The following DNAAF2 variants were observed in gnomAD, a reference collection of about 807,000 sequenced individuals.
The protein encoded by DNAAF2 is protein kintoun.
In DNAAF2, 58 loss-of-function variants were observed where a neutral mutation model predicts 48.8. That is an observed-to-expected ratio of 1.19 (90% CI 0.96 to 1.48). The LOEUF is 1.48. Ranked by LOEUF, DNAAF2 falls within the 40% of genes most tolerant of loss-of-function variation. DNAAF2 has a pLI of 0.00. For synonymous variants in DNAAF2, 567 were observed against 481.2 expected, an observed-to-expected ratio of 1.18 and a Z score of -2.33; for missense variants, 1,241 against 1,116.1, an observed-to-expected ratio of 1.11 and a Z score of -1.59.
Position 49,634,651 on chromosome 14 carries a change from T to G in DNAAF2, c.499A>C (p.Thr167Pro). Reference sequence around the variant, plus strand: ...TGCTTCTCGACGGCCTCCAGGGCCGTGGCGTCCAGCATCTGGCGGAAGCCC... The same window carrying G: ...TGCTTCTCGACGGCCTCCAGGGCCGGGGCGTCCAGCATCTGGCGGAAGCCC... ...HEGFRQMLDA[T>P]ALEAVEKQFG... is the part of the protein sequence containing the mutation. Residue 167 changes from threonine (T) to proline (P), a missense_variant, in exon 1 of 3, where the codon ACG becomes CCG. Thr to Pro is a conservative substitution (Grantham distance 38, BLOSUM62 -1). Transcript: ENST00000298292. 6.2e-7 allele frequency: 1 copy of G among 1,607,380 alleles called. No individual in the cohort carries two copies.
chr14:49,627,227 T>A (rs1220478995), intron 2 of DNAAF2, among the ~76,000 whole-genome samples: 1 of 152,246 alleles, frequency 6.6e-6, no homozygotes, highest in Non-Finnish European at 1.5e-5. Flanking sequence ...AAGCACATTG[T>A]TGAATTTCTT....
chr14:49,634,521 G>A lies in DNAAF2; in HGVS notation c.629C>T (p.Pro210Leu). The stretch of plus-strand genomic sequence containing the variant: ...CTTCGGCTCCCCGTCAGGCCTTGCG[G>A]GGATGACCCCGGGCAGGGGCGTGCG... ...VLRTPLPGVI[P>L]ARPDGEPKGP... Residue 210 changes from proline to leucine, a missense_variant, in exon 1 of 3, where the codon CCC (proline) becomes CTC (leucine). Coordinates refer to ENST00000298292, the MANE Select transcript of DNAAF2 (RefSeq NM_018139.3). 1 of 1,601,306 alleles carries A rather than the reference G, an allele frequency of 6.2e-7. No homozygotes were observed. The highest frequency in any genetic ancestry group is 8.5e-7 in the Non-Finnish European group (1 of 1,179,290).
At chr14:49,627,930 TATG>T (rs1883052550) in intron 2 of DNAAF2, 79 bp downstream of exon 2, 5 of 1,347,744 alleles carry the variant, frequency 3.7e-6, no homozygotes, top group Non-Finnish European at 5.0e-6. Context: ...TGTTTAAAGT[TATG>T]ATATTAAGAA....
chr14:49,635,160 G>A lies in DNAAF2; in HGVS notation c.-11C>T, dbSNP rs1024781671. 4.5e-6 allele frequency: 7 copies of A among 1,553,654 alleles called. No individual in the cohort carries two copies. The Admixed American group carries it at 9.7e-5, about 22-fold the overall frequency. ...CGCCGCTTTGGCCATACTGTCCTGT[G>A]GCTCCTCGCCCTCGGGCCAAAGGCG... On this transcript the variant is annotated 5_prime_UTR_variant, in exon 1 of 3. Coordinates refer to ENST00000298292, the MANE Select transcript of DNAAF2 (RefSeq NM_018139.3).
At position 49,630,326 on chromosome 14, in the gene DNAAF2, A is replaced by G. The variant is rs149281915; in HGVS notation, c.1864-2171T>C. On this transcript the variant is annotated intron_variant, in intron 1 of 2. Coordinates refer to ENST00000298292, the MANE Select transcript of DNAAF2 (RefSeq NM_018139.3). The stretch of plus-strand genomic sequence containing the variant: ...ACTATTACTAGAAAATGCAAAAATC[A>G]CCTTTTACCTGAATCCCAAACACAA... Among the ~76,000 whole-genome samples, 1,142 of 152,254 alleles carry G rather than the reference A, an allele frequency of 7.5e-3. 17 individuals are homozygous for G. The highest frequency in any genetic ancestry group is 0.026 in the African/African-American group (1,084 of 41,540).
chr14:49,632,749 C>T (rs1188484866), intron 1 of DNAAF2, among the ~76,000 whole-genome samples: 4 of 151,664 alleles, frequency 2.6e-5, no homozygotes, highest in Admixed American at 6.6e-5. Context: ...ACCCAGCCAA[C>T]TAATACTTAA....
At chr14:49,627,135 T>A (rs1372918350) in intron 2 of DNAAF2, among the ~76,000 whole-genome samples, 2 of 152,150 alleles carry the variant, frequency 1.3e-5, no homozygotes, top group African/African-American at 4.8e-5. Flanking sequence ...AATGTAAACC[T>A]GGCACTAATA....
Position 49,633,291 on chromosome 14 carries a change from A to C in DNAAF2, c.1859T>G (p.Leu620Trp). 1.2e-6 allele frequency: 2 copies of C among 1,612,784 alleles called. No homozygotes were observed. Among genetic ancestry groups the C allele is most frequent in the East Asian group, 4.5e-5 (2 of 44,866 alleles). ...EWYYGVNNDS[L>W]EERLFVNEEN... ...GACTCTGGAAAGAACTGTTACCTCC[A>C]AAGAATCGTTGTTTACACCATAATA... The change falls in exon 1 of 3, where the codon TTG (leucine) becomes TGG (tryptophan). Residue 620 changes from leucine (L) to tryptophan (W), a missense_variant. Coordinates refer to ENST00000298292, the MANE Select transcript of DNAAF2 (RefSeq NM_018139.3).
chr14:49,633,280 C>G lies in DNAAF2; in HGVS notation c.1863+7G>C. The G allele has an allele frequency of 6.2e-7, 1 of 1,612,180 alleles. No homozygotes were observed. The highest frequency in any genetic ancestry group is 8.5e-7 in the Non-Finnish European group (1 of 1,178,524). On this transcript the variant is annotated splice_region_variant and intron_variant, in intron 1 of 2. Coordinates refer to ENST00000298292, the MANE Select transcript of DNAAF2 (RefSeq NM_018139.3). Reference sequence around the variant, plus strand: ...TCAAATATGAGGACTCTGGAAAGAACTGTTACCTCCAAAGAATCGTTGTTT... The same window carrying G: ...TCAAATATGAGGACTCTGGAAAGAAGTGTTACCTCCAAAGAATCGTTGTTT...
At position 49,633,598 on chromosome 14, in the gene DNAAF2, C is replaced by A. The variant is rs145008882; in HGVS notation, c.1552G>T (p.Gly518Trp). 2 of 1,613,758 alleles carry A rather than the reference C, an allele frequency of 1.2e-6. No individual in the cohort carries two copies. Among genetic ancestry groups the A allele is most frequent in the African/African-American group, 1.3e-5 (1 of 74,934 alleles). Residue 518 changes from glycine (G) to tryptophan (W), a missense_variant, in exon 1 of 3, where the codon GGG (glycine) becomes TGG (tryptophan). Gly to Trp is a radical substitution (Grantham distance 184). Coordinates refer to ENST00000298292, the MANE Select transcript of DNAAF2 (RefSeq NM_018139.3). ...CAMGGPGTKSGEPLCPPLLCN... is the reference protein window; with the variant it reads ...CAMGGPGTKSWEPLCPPLLCN... The stretch of plus-strand genomic sequence containing the variant: ...AGTAACGGAGGACACAAAGGCTCCC[C>A]GCTCTTGGTCCCGGGACCACCCATG...
intron 1 of DNAAF2, 132 bp from the exon 2 acceptor site, chr14:49,628,287 C>G: frequency 1.3e-6 from 1 of 774,554 alleles, no homozygotes; most frequent in East Asian, 2.7e-5. Flanking sequence ...TAATGTTATT[C>G]CTATGAGCTG....
In DNAAF2 at chr14:49,635,152, T is replaced by A; in HGVS notation, c.-3A>T. 6.4e-7 allele frequency: 1 copy of A among 1,556,280 alleles called. No homozygotes were observed. The highest frequency in any genetic ancestry group is 8.7e-7 in the Non-Finnish European group (1 of 1,150,452). ...GAGGAGGCCGCCGCTTTGGCCATACTGTCCTGTGGCTCCTCGCCCTCGGGC... is the reference window on the plus strand; with the variant it reads ...GAGGAGGCCGCCGCTTTGGCCATACAGTCCTGTGGCTCCTCGCCCTCGGGC... On this transcript the variant is annotated 5_prime_UTR_variant, in exon 1 of 3. Coordinates refer to ENST00000298292, the MANE Select transcript of DNAAF2 (RefSeq NM_018139.3).
rs1384426642 is a variant in DNAAF2, at chr14:49,625,670, G to T, written c.2386C>A (p.His796Asn). ...ATGCTGTCGAATCCAGGTATATTGT[G>T]AACCGTAGTTTTGTTCAGTAATGAA... Reference protein sequence around the residue: ...LSSLLNKTTVHNIPGFDSIKE... With the variant: ...LSSLLNKTTVNNIPGFDSIKE... Residue 796 changes from histidine (H) to asparagine (N), a missense_variant, in exon 3 of 3, where the codon CAC (histidine) becomes AAC (asparagine). Physicochemically the swap from His to Asn is moderately conservative, Grantham distance 68 (BLOSUM62 1). Transcript: ENST00000298292. 1.9e-6 allele frequency: 3 copies of T among 1,613,660 alleles called. No individual in the cohort carries two copies. Among genetic ancestry groups the T allele is most frequent in the South Asian group, 1.1e-5 (1 of 91,066 alleles).
intron 1 of DNAAF2, among the ~76,000 whole-genome samples, chr14:49,628,627 G>T (rs563551560): frequency 1.2e-4 from 18 of 152,058 alleles, no homozygotes; most frequent in Non-Finnish European, 2.5e-4. Context: ...ACTAATTTTT[G>T]TATTTTTGGT....
chr14:49,633,510 C>T lies in DNAAF2; in HGVS notation c.1640G>A (p.Ser547Asn). 6.2e-7 allele frequency: 1 copy of T among 1,614,050 alleles called. No individual in the cohort carries two copies. The highest frequency in any genetic ancestry group is 8.5e-7 in the Non-Finnish European group (1 of 1,179,896). Residue 547 changes from serine (S) to asparagine (N), a missense_variant, in exon 1 of 3, where the codon AGT becomes AAT. Coordinates refer to ENST00000298292, the MANE Select transcript of DNAAF2 (RefSeq NM_018139.3). ...GAGGGGATTCAAATCTCCTTGAAGA[C>T]TTTGCGGCTGGATCCGAGGCACCTG... ...LIQVPRIQPQ[S>N]LQGDLNPLWY...
At position 49,634,460 on chromosome 14, in the gene DNAAF2, G is replaced by A; in HGVS notation, c.690C>T (p.Tyr230=). ...PLPDFPYPYQ[Y]PAAPGPRAPS... The stretch of plus-strand genomic sequence containing the variant: ...GCGCCCGGGGCCCGGGGGCTGCCGG[G>A]TACTGGTAAGGGTAGGGGAAGTCCG... The change falls in exon 1 of 3, where the codon TAC becomes TAT. Residue 230 remains tyrosine, a synonymous_variant. Transcript: ENST00000298292. 1 of 1,565,310 alleles carries A rather than the reference G, an allele frequency of 6.4e-7. No homozygotes were observed. Among genetic ancestry groups the A allele is most frequent in the Non-Finnish European group, 8.6e-7 (1 of 1,159,778 alleles).
intron 2 of DNAAF2, among the ~76,000 whole-genome samples, chr14:49,626,799 CTTTTTTTT>C (rs34085502): frequency 1.1e-4 from 7 of 63,410 alleles, no homozygotes; most frequent in African/African-American, 4.9e-4. Flanking sequence ...TGCTGCCAGT[CTTTTTTTT>C]TTTTTTTTTT....
chr14:49,634,304 C>T lies in DNAAF2; in HGVS notation c.846G>A (p.Glu282=). Residue 282 remains glutamate (E), a synonymous_variant, in exon 1 of 3, where the codon GAG becomes GAA. Transcript: ENST00000298292. ...RDSAPSPVPH[E]LVITIELPLL... is the part of the protein sequence containing the mutation. Reference sequence around the variant, plus strand: ...GCGGCAGTTCGATGGTGATCACCAGCTCATGGGGCACGGGGCTCGGGGCTG... The same window carrying T: ...GCGGCAGTTCGATGGTGATCACCAGTTCATGGGGCACGGGGCTCGGGGCTG... The T allele has an allele frequency of 6.2e-7, 1 of 1,612,082 alleles. No homozygotes were observed. The highest frequency in any genetic ancestry group is 8.5e-7 in the Non-Finnish European group (1 of 1,179,766).
At position 49,634,998 on chromosome 14, in the gene DNAAF2, C is replaced by T. The variant is rs1267659419; in HGVS notation, c.152G>A (p.Arg51His). Residue 51 changes from arginine to histidine, a missense_variant, in exon 1 of 3, where the codon CGC (arginine) becomes CAC (histidine). Coordinates refer to ENST00000298292, the MANE Select transcript of DNAAF2 (RefSeq NM_018139.3). Reference sequence around the variant, plus strand: ...TAGCGCGGTGATCTCCGCCTCGTAGCGCCGCCGGTTCTCCGGGTCGGTGAG... The same window carrying T: ...TAGCGCGGTGATCTCCGCCTCGTAGTGCCGCCGGTTCTCCGGGTCGGTGAG... The part of the protein sequence containing the change: ...EELTDPENRR[R>H]YEAEITALER... The T allele has an allele frequency of 1.3e-6, 2 of 1,565,594 alleles. No homozygotes were observed. Among genetic ancestry groups the T allele is most frequent in the Non-Finnish European group, 1.7e-6 (2 of 1,155,566 alleles).
Sources: gnomAD v4.1 joint callset for allele counts (sites outside exome capture counted in the v4.1 genomes callset) on GRCh38, gnomAD v4.1.1 for gene constraint, MANE v1.5 for transcripts, NCBI Gene and HGNC (gene_info 2026-07-23, HGNC 2026-07-21) for gene names.